Variants in SORCS1 observed in about 807,000 individuals in gnomAD.
The protein encoded by SORCS1 is sortilin related VPS10 domain containing receptor 1, also known as VPS10 domain-containing receptor SorCS1.
In SORCS1, 60 loss-of-function variants were observed where a neutral mutation model predicts 146.1. That is an observed-to-expected ratio of 0.41 (90% CI 0.33 to 0.51). The LOEUF is 0.51. Among genes scored for constraint, SORCS1 ranks in the 20% least tolerant of loss-of-function variants. SORCS1 has a pLI of 0.21. For synonymous variants in SORCS1, 637 were observed against 584.0 expected (o/e 1.09, Z -1.31); for missense variants, 1,352 against 1,487.6 (o/e 0.91, Z 1.50).
chr10:107,024,525 G>A (rs865871836), intron 1 of SORCS1, among the ~76,000 whole-genome samples: 27 of 152,176 alleles, frequency 1.8e-4, no homozygotes, highest in Middle Eastern at 6.8e-3. Flanking sequence ...TCCAAACTGC[G>A]GCACTGGAAT....
chr10:106,647,328 G>T (rs1849523310), intron 18 of SORCS1, among the ~76,000 whole-genome samples: 1 of 150,526 alleles, frequency 6.6e-6, no homozygotes, highest in South Asian at 2.1e-4. Flanking sequence ...TAGTGCTATT[G>T]AAAATAAGTT....
intron 1 of SORCS1, among the ~76,000 whole-genome samples, chr10:107,145,076 T>G (rs1590233268): frequency 6.6e-6 from 1 of 151,880 alleles, no homozygotes; most frequent in African/African-American, 2.4e-5. Context: ...CAGGGGGAGG[T>G]GTAAAAGCAT....
At chr10:106,892,078 T>C (rs1951258991) in intron 2 of SORCS1, among the ~76,000 whole-genome samples, 1 of 152,224 alleles carries the variant, frequency 6.6e-6, no homozygotes, top group Non-Finnish European at 1.5e-5. Flanking sequence ...GCCTTCTCCA[T>C]GTCTCAGAGC....
the SORCS1 span, among the ~76,000 whole-genome samples, chr10:107,177,114 T>C: frequency 1.3e-5 from 2 of 152,194 alleles, no homozygotes; most frequent in African/African-American, 2.4e-5. Context: ...ATGTTATTTT[T>C]TGCCTAAAAT....
upstream of SORCS1, among the ~76,000 whole-genome samples, chr10:107,167,041 A>G (rs906329394): frequency 6.6e-6 from 1 of 152,256 alleles, no homozygotes; most frequent in Non-Finnish European, 1.5e-5. Context: ...AAGCATTTGC[A>G]GTCCATTTGC....
chr10:106,581,077 T>A (rs1305031817), intron 24 of SORCS1, among the ~76,000 whole-genome samples: 1 of 152,184 alleles, frequency 6.6e-6, no homozygotes, highest in East Asian at 1.9e-4. Flanking sequence ...CTCAATGCCA[T>A]CGGCAGAGAG....
At chr10:106,603,110 C>G (rs987695295) in intron 23 of SORCS1, among the ~76,000 whole-genome samples, 3 of 152,138 alleles carry the variant, frequency 2.0e-5, no homozygotes. Context: ...CTCCTTATCT[C>G]CCCAGCACAG....
At position 107,110,601 on chromosome 10, in the gene SORCS1, C is replaced by A. The variant is rs899954864; in HGVS notation, c.558+53368G>T. On this transcript the variant is annotated intron_variant, in intron 1 of 25. Coordinates refer to ENST00000263054, the MANE Select transcript of SORCS1 (RefSeq NM_052918.5). ...AGCCATGAGGGATCCACCCTCATAA[C>A]CAAAACCTCCCACCAACTCCCCCCA... 9.2e-5 allele frequency among the ~76,000 whole-genome samples: 14 copies of A among 152,098 alleles called. 1 individual carries two copies. The highest frequency in any genetic ancestry group is 1.9e-4 in the Non-Finnish European group (13 of 68,014).
At chr10:106,674,112 C>T (rs568835353) in intron 14 of SORCS1, among the ~76,000 whole-genome samples, 2 of 145,716 alleles carry the variant, frequency 1.4e-5, no homozygotes, top group African/African-American at 2.5e-5. Flanking sequence ...GTCAGGAGAT[C>T]GAGACCATCC....
At chr10:106,667,587 G>T (rs1851260039) in intron 17 of SORCS1, 102 bp downstream of exon 17, 2 of 764,684 alleles carry the variant, frequency 2.6e-6, no homozygotes, top group African/African-American at 1.7e-5. Flanking sequence ...TGTGCTGTAA[G>T]GAAATATGCT....
intron 23 of SORCS1, among the ~76,000 whole-genome samples, chr10:106,603,585 G>T (rs577766456): frequency 6.6e-6 from 1 of 152,112 alleles, no homozygotes; most frequent in Admixed American, 6.5e-5. Flanking sequence ...GGGCACCTCT[G>T]TCTAGGATCC....
intron 2 of SORCS1, among the ~76,000 whole-genome samples, chr10:106,923,420 T>A (rs1952823125): frequency 1.3e-5 from 2 of 152,244 alleles, no homozygotes; most frequent in East Asian, 3.8e-4. Context: ...CTTAGATGAA[T>A]TCAGGTTTTG....
intron 3 of SORCS1, among the ~76,000 whole-genome samples, chr10:106,808,777 C>CAGG (rs1315640200): frequency 1.3e-5 from 2 of 152,166 alleles, no homozygotes; most frequent in African/African-American, 4.8e-5. Context: ...GTTGGGATTA[C>CAGG]AGGCATGAGT....
chr10:106,682,271 A>G (rs1456001233), intron 10 of SORCS1, among the ~76,000 whole-genome samples: 1 of 152,198 alleles, frequency 6.6e-6, no homozygotes, highest in African/African-American at 2.4e-5. Flanking sequence ...GGATACATTA[A>G]TCTGAGGAAA....
chr10:106,624,918 A>G (rs1028249644), intron 19 of SORCS1, among the ~76,000 whole-genome samples: 3 of 152,202 alleles, frequency 2.0e-5, no homozygotes, highest in African/African-American at 7.2e-5. Context: ...AGTATGCCCT[A>G]TGGAGCCACA....
chr10:106,963,357 C>A (rs1248430747), intron 1 of SORCS1, among the ~76,000 whole-genome samples: 2 of 151,854 alleles, frequency 1.3e-5, no homozygotes, highest in South Asian at 2.1e-4. Context: ...CCTTGTGATC[C>A]GCCCACCTCG....
chr10:107,007,160 T>C (rs1320579546), intron 1 of SORCS1, among the ~76,000 whole-genome samples: 1 of 152,226 alleles, frequency 6.6e-6, no homozygotes, highest in Non-Finnish European at 1.5e-5. Context: ...TCATTGACTA[T>C]GAAAGTGGTA....
intron 1 of SORCS1, among the ~76,000 whole-genome samples, chr10:106,987,902 TTTTTC>T (rs1178353394): frequency 4.0e-5 from 6 of 151,582 alleles, no homozygotes; most frequent in Admixed American, 6.5e-5. Context: ...CCTAGGAAGA[TTTTTC>T]TTTTCTTTTC....
At chr10:106,950,703 G>T (rs1281739907) in intron 2 of SORCS1, among the ~76,000 whole-genome samples, 1 of 152,006 alleles carries the variant, frequency 6.6e-6, no homozygotes, top group African/African-American at 2.4e-5. Flanking sequence ...GGTATAGAAA[G>T]ATCCACCAGA....
Sources: allele counts gnomAD v4.1 joint callset (sites outside exome capture counted in the v4.1 genomes callset), GRCh38; gene constraint gnomAD v4.1.1; transcripts MANE v1.5; gene names NCBI Gene and HGNC (gene_info 2026-07-23, HGNC 2026-07-21).